The following TSHZ3 variants were observed in gnomAD, a reference collection of about 807,000 sequenced individuals.
TSHZ3 encodes teashirt homolog 3.
Under a neutral mutation model 64.5 loss-of-function variants are expected in TSHZ3, and 10 were observed. The observed-to-expected ratio is 0.16, with a 90% CI of 0.10 to 0.26. The LOEUF (loss-of-function observed/expected upper bound fraction) is 0.26. Among genes scored for constraint, TSHZ3 ranks in the 10% least tolerant of loss-of-function variants. The probability of loss-of-function intolerance (pLI) is 1.00; values close to 1 mark genes in which losing one functional copy is unlikely to be tolerated. For missense variants in TSHZ3, 1,242 were observed against 1,421.7 expected, an observed-to-expected ratio of 0.87 and a Z score of 2.03; for synonymous variants, 608 against 593.1, an observed-to-expected ratio of 1.03 and a Z score of -0.36.
intron 1 of TSHZ3, among the ~76,000 whole-genome samples, chr19:31,297,735 AG>A (rs1239679206): frequency 6.6e-6 from 1 of 152,126 alleles, no homozygotes; most frequent in Admixed American, 6.5e-5. Flanking sequence ...GTGGGATTAC[AG>A]GCATGAGGTG....
intron 1 of TSHZ3, among the ~76,000 whole-genome samples, chr19:31,337,013 A>ATTTTTT (rs57786560): frequency 7.6e-5 from 10 of 131,428 alleles, no homozygotes; most frequent in African/African-American, 2.8e-4. Context: ...CTTTTTTTCT[A>ATTTTTT]TTTTTTTTTT....
At chr19:31,252,330 C>G (rs979475520) in intron 1 of TSHZ3, among the ~76,000 whole-genome samples, 30 of 152,100 alleles carry the variant, frequency 2.0e-4, no homozygotes, top group Non-Finnish European at 7.4e-5. Flanking sequence ...CCTATGCCAG[C>G]TCCCCCGTGT....
At position 31,288,326 on chromosome 19, in the gene TSHZ3, C is replaced by T. The variant is rs150877951; in HGVS notation, c.41-8574G>A. ...CACATGCCTAAGCCCTCAGCAGGCA[C>T]GAAGTCCTCTTCTCTGCTGCAGAAT... On this transcript the variant is annotated intron_variant, in intron 1 of 1. Coordinates refer to ENST00000240587, the MANE Select transcript of TSHZ3 (RefSeq NM_020856.4). Among the ~76,000 whole-genome samples the T allele has an allele frequency of 1.3e-3, 192 of 152,198 alleles. 1 individual carries two copies. The highest frequency in any genetic ancestry group is 4.2e-3 in the African/African-American group (173 of 41,516).
chr19:31,232,414 A>G (rs1289070695), intron 3 of TSHZ3, among the ~76,000 whole-genome samples: 1 of 152,162 alleles, frequency 6.6e-6, no homozygotes, highest in East Asian at 1.9e-4. Context: ...TCCAATCTGA[A>G]CAGGGTGGCT....
At chr19:31,187,860 T>A (rs1974837166) in intron 5 of TSHZ3, among the ~76,000 whole-genome samples, 1 of 152,132 alleles carries the variant, frequency 6.6e-6, no homozygotes, top group Non-Finnish European at 1.5e-5. Flanking sequence ...TCAGGTAGTG[T>A]AAGTTATTTA....
intron 1 of TSHZ3, among the ~76,000 whole-genome samples, chr19:31,340,629 C>T (rs944912455): frequency 1.3e-5 from 2 of 152,106 alleles, no homozygotes; most frequent in Admixed American, 6.5e-5. Context: ...GATGTCAGTG[C>T]GGGCCCTGAT....
At chr19:31,339,391 A>G (rs904450751) in intron 1 of TSHZ3, among the ~76,000 whole-genome samples, 28 of 152,134 alleles carry the variant, frequency 1.8e-4, no homozygotes, top group African/African-American at 6.7e-4. Flanking sequence ...CCAGCCATCC[A>G]GAAGCAGGCT....
intron 1 of TSHZ3, among the ~76,000 whole-genome samples, chr19:31,298,225 G>A (rs551664409): frequency 9.2e-5 from 14 of 152,046 alleles, no homozygotes; most frequent in Non-Finnish European, 1.6e-4. Flanking sequence ...TGCTGTCCCC[G>A]CCATCCAAAG....
chr19:31,251,847 C>A (rs529254473), intron 1 of TSHZ3, among the ~76,000 whole-genome samples: 1 of 152,212 alleles, frequency 6.6e-6, no homozygotes, highest in Non-Finnish European at 1.5e-5. Flanking sequence ...AGAACACTCA[C>A]GCCAGCATCC....
chr19:31,152,835 C>T (rs956392401), intron 6 of TSHZ3, among the ~76,000 whole-genome samples: 22 of 152,170 alleles, frequency 1.4e-4, no homozygotes, highest in Non-Finnish European at 4.4e-5. Context: ...TCTGAGGCAC[C>T]ATCACCAGAC....
intron 5 of TSHZ3, among the ~76,000 whole-genome samples, chr19:31,194,331 G>A (rs1290555225): frequency 1.3e-5 from 2 of 152,186 alleles, no homozygotes; most frequent in Non-Finnish European, 2.9e-5. Flanking sequence ...ACATCTAAGA[G>A]TGCATCAGAG....
chr19:31,273,275 G>A (rs922903540), downstream of TSHZ3, among the ~76,000 whole-genome samples: 1 of 152,166 alleles, frequency 6.6e-6, no homozygotes, highest in African/African-American at 2.4e-5. Flanking sequence ...TTTCTCTAGA[G>A]GTAAAATTAA....
chr19:31,334,307 A>G (rs1249503076), intron 1 of TSHZ3, among the ~76,000 whole-genome samples: 1 of 152,184 alleles, frequency 6.6e-6, no homozygotes, highest in African/African-American at 2.4e-5. Flanking sequence ...ACAACCTCAG[A>G]GCAGAAACAA....
At chr19:31,191,129 G>GAA in intron 5 of TSHZ3, among the ~76,000 whole-genome samples, 1 of 151,986 alleles carries the variant, frequency 6.6e-6, no homozygotes, top group East Asian at 1.9e-4. Flanking sequence ...AAATTATTTG[G>GAA]AAAAAAATGA....
chr19:31,165,502 C>T (rs1005356116), intron 5 of TSHZ3, among the ~76,000 whole-genome samples: 4 of 152,190 alleles, frequency 2.6e-5, no homozygotes, highest in Admixed American at 1.3e-4. Context: ...TGGATGTAAA[C>T]GAAGTCATCC....
At chr19:31,166,245 G>A (rs969070963) in intron 5 of TSHZ3, among the ~76,000 whole-genome samples, 1 of 152,220 alleles carries the variant, frequency 6.6e-6, no homozygotes, top group African/African-American at 2.4e-5. Context: ...ACTACAGAAA[G>A]TGAGTGTGAT....
chr19:31,274,552 T>C (rs1331961789), downstream of TSHZ3, among the ~76,000 whole-genome samples: 1 of 152,000 alleles, frequency 6.6e-6, no homozygotes, highest in Admixed American at 6.5e-5. Context: ...TCAGCCTCCT[T>C]GACAGTGCAG....
At chr19:31,293,981 T>C (rs1976620287) in intron 1 of TSHZ3, among the ~76,000 whole-genome samples, 1 of 152,186 alleles carries the variant, frequency 6.6e-6, no homozygotes, top group South Asian at 2.1e-4. Flanking sequence ...TGACTTCCCA[T>C]GCATCTCTTC....
intron 1 of TSHZ3, among the ~76,000 whole-genome samples, chr19:31,313,450 G>A (rs1170799575): frequency 1.3e-5 from 2 of 152,208 alleles, no homozygotes; most frequent in African/African-American, 4.8e-5. Context: ...AGGGCAGCGA[G>A]GAGTCTGAGC....
Sources: gnomAD v4.1 joint callset for allele counts (sites outside exome capture counted in the v4.1 genomes callset) on GRCh38, gnomAD v4.1.1 for gene constraint, MANE v1.5 for transcripts, NCBI Gene and HGNC (gene_info 2026-07-23, HGNC 2026-07-21) for gene names.